Variants in RASSF7 observed in about 807,000 individuals in gnomAD.
RASSF7 encodes the protein Ras association domain family member 7.
A neutral mutation model predicts 33.8 loss-of-function variants in RASSF7; 41 were observed. That is an observed-to-expected ratio of 1.21 (90% confidence interval 0.95 to 1.57). The LOEUF is 1.57. RASSF7 is among the 40% of genes most tolerant of loss of function. The pLI is 0.00. For missense variants in RASSF7, 622 were observed against 497.0 expected (o/e 1.25, Z -2.39); for synonymous variants, 298 against 212.8 (o/e 1.40, Z -3.48).
rs961139961 is a variant in RASSF7 at position 563,926 on chromosome 11, C to T, written c.*281C>T. On this transcript the variant is annotated 3_prime_UTR_variant, in exon 6 of 6. Coordinates refer to ENST00000397583, the MANE Select transcript of RASSF7 (RefSeq NM_003475.4). ...CAAGCTGTGGGCATGTGCTTGCCTG[C>T]GGGAGAGGTCCTTCACTGTGTGTAC... is the stretch of plus-strand genomic sequence containing the variant. 19 of 543,944 alleles carry T rather than the reference C, an allele frequency of 3.5e-5. No homozygotes were observed. Among genetic ancestry groups the T allele is most frequent in the African/African-American group, 1.3e-4 (7 of 52,904 alleles). 33.7% of individuals were successfully genotyped at this position (543,944 alleles called of 1,614,324 possible). A position where few individuals can be genotyped will look rare whatever the true frequency, so the allele number is the denominator to read the frequency against.
Position 563,389 on chromosome 11 carries a change from C to A in RASSF7, c.952-7C>A. On this transcript the variant is annotated splice_polypyrimidine_tract_variant and splice_region_variant and intron_variant, in intron 4 of 5. Transcript: ENST00000397583. ...GCCCCACTCCAAGCTGACTTCCCAA[C>A]CCACAGGGCCCTCTGCCTCCAGCCA... 6.2e-7 allele frequency: 1 copy of A among 1,610,624 alleles called. No homozygotes were observed. The highest frequency in any genetic ancestry group is 1.1e-5 in the South Asian group (1 of 90,808).
chr11:561,919 C>T (rs758305676), intron 2 of RASSF7, 27 bp downstream of exon 2: 101 of 1,612,060 alleles, frequency 6.3e-5, no homozygotes, highest in Non-Finnish European at 8.0e-5. Context: ...TCAGGCAGGC[C>T]GGGCAGGTAG....
At position 561,245 on chromosome 11, in the gene RASSF7, A is replaced by G; in HGVS notation, c.-240A>G. The G allele has an allele frequency of 1.0e-6, 1 of 985,192 alleles. No individual in the cohort carries two copies. The highest frequency in any genetic ancestry group is 1.7e-5 in the African/African-American group (1 of 57,186). 61.0% of individuals were successfully genotyped at this position (985,192 alleles called of 1,614,324 possible). ...TTCGGTGCCCGCGGCGGGGACCGGG[A>G]CTTTCGGGGCGAGCGCAGCGATTAG... On this transcript the variant is annotated 5_prime_UTR_variant, in exon 1 of 6. Coordinates refer to ENST00000397583, the MANE Select transcript of RASSF7 (RefSeq NM_003475.4).
At position 563,860 on chromosome 11, in the gene RASSF7, C is replaced by T. The variant is rs1247422346; in HGVS notation, c.*215C>T. Reference sequence around the variant, plus strand: ...GGAACTTGCCAGGCCCCAAAGGCCACGACTGCCTGTTGGGGACAGGAGATG... The same window carrying T: ...GGAACTTGCCAGGCCCCAAAGGCCATGACTGCCTGTTGGGGACAGGAGATG... On this transcript the variant is annotated 3_prime_UTR_variant, in exon 6 of 6. Coordinates refer to ENST00000397583, the MANE Select transcript of RASSF7 (RefSeq NM_003475.4). 4 of 592,126 alleles carry T rather than the reference C, an allele frequency of 6.8e-6. No homozygotes were observed. Among genetic ancestry groups the T allele is most frequent in the Admixed American group, 6.1e-5 (2 of 32,624 alleles). The allele number at this position is 592,126 out of a possible 1,614,324, so 36.7% of individuals were successfully genotyped here.
In RASSF7 at chr11:563,280, C is replaced by G. The variant is rs566009663; in HGVS notation, c.914C>G (p.Pro305Arg). The G allele has an allele frequency of 6.2e-7, 1 of 1,610,934 alleles. No homozygotes were observed. The highest frequency in any genetic ancestry group is 8.5e-7 in the Non-Finnish European group (1 of 1,179,146). Residue 305 changes from proline (P) to arginine (R), a missense_variant, in exon 4 of 6, where the codon CCG becomes CGG. Physicochemically the swap from Pro to Arg is moderately radical, Grantham distance 103 (BLOSUM62 -2). Transcript: ENST00000397583. Reference sequence around the variant, plus strand: ...CAGCAGACCGGGGCTGCGCTGCCACCGCCCCCACGGCCTGACAGGGGCCCT... The same window carrying G: ...CAGCAGACCGGGGCTGCGCTGCCACGGCCCCCACGGCCTGACAGGGGCCCT... Reference protein sequence around the residue: ...FIQQTGAALPPPPRPDRGPPG... With the variant: ...FIQQTGAALPRPPRPDRGPPG...
rs767627122 is a variant in RASSF7, at chr11:562,109, G to T, written c.155G>T (p.Arg52Leu). 1.3e-6 allele frequency: 2 copies of T among 1,534,470 alleles called. No individual in the cohort carries two copies. The highest frequency in any genetic ancestry group is 4.0e-5 in the Admixed American group (2 of 49,628). ...GQTGRFVLVQ[R>L]LREKERQLLP... Reference sequence around the variant, plus strand: ...ACTGGCCGCTTTGTGCTTGTGCAGCGGCTTCGGGAGAAGGAGCGGCAGTTG... The same window carrying T: ...ACTGGCCGCTTTGTGCTTGTGCAGCTGCTTCGGGAGAAGGAGCGGCAGTTG... Residue 52 changes from arginine to leucine, a missense_variant, in exon 3 of 6, where the codon CGG becomes CTG. Arg to Leu is a moderately radical substitution (Grantham distance 102, BLOSUM62 -2). Coordinates refer to ENST00000397583, the MANE Select transcript of RASSF7 (RefSeq NM_003475.4).
chr11:562,258 C>A lies in RASSF7; in HGVS notation c.304C>A (p.Pro102Thr). ...AGRPSSDSCP[P>T]PERCLIRASL... The stretch of plus-strand genomic sequence containing the variant: ...GAGGCCCTCCTCAGACAGCTGTCCA[C>A]CCCCGGAACGCTGCCTAATTCGTGC... Residue 102 changes from proline to threonine, a missense_variant, in exon 3 of 6, where the codon CCC becomes ACC. Pro to Thr is a conservative substitution (Grantham distance 38). Transcript: ENST00000397583. 2 of 1,612,928 alleles carry A rather than the reference C, an allele frequency of 1.2e-6. No homozygotes were observed. The highest frequency in any genetic ancestry group is 1.7e-6 in the Non-Finnish European group (2 of 1,179,956).
chr11:563,032 C>G (rs893443824), intron 3 of RASSF7, among the ~76,000 whole-genome samples, 157 bp from the exon 4 acceptor site: 5 of 151,988 alleles, frequency 3.3e-5, no homozygotes, highest in Non-Finnish European at 5.9e-5. Flanking sequence ...ACTCGGGAGG[C>G]AGGTGAGCCC....
chr11:561,900 C>A lies in RASSF7; in HGVS notation c.124+8C>A. ...CACTAGCCCAAGCAATAGGTGAGTC[C>A]TCTCGGGGTCAGGCAGGCCGGGCAG... On this transcript the variant is annotated splice_region_variant and intron_variant, in intron 2 of 5. Coordinates refer to ENST00000397583, the MANE Select transcript of RASSF7 (RefSeq NM_003475.4). 1 of 1,613,194 alleles carries A rather than the reference C, an allele frequency of 6.2e-7. No homozygotes were observed.
rs756221682 is a variant in RASSF7 at position 563,577 on chromosome 11, C to T, written c.1054C>T (p.Leu352Phe). The change falls in exon 6 of 6, where the codon CTC becomes TTC. Residue 352 changes from leucine to phenylalanine, a missense_variant. Transcript: ENST00000397583. ...RPRGGPHDAELLEVAAAPAPE... is the reference protein window; with the variant it reads ...RPRGGPHDAEFLEVAAAPAPE... ...CCGCAGTGGCCCCCATGACGCAGAA[C>T]TCCTGGAGGTAGCAGCAGCTCCTGC... is the stretch of plus-strand genomic sequence containing the variant. 1.8e-5 allele frequency: 29 copies of T among 1,612,176 alleles called. No homozygotes were observed. Among genetic ancestry groups the T allele is most frequent in the Non-Finnish European group, 2.2e-5 (26 of 1,179,918 alleles).
At position 562,734 on chromosome 11, in the gene RASSF7, T is replaced by TCTGGTGAGCCGGGCC. The variant is rs1386375067; in HGVS notation, c.785_799dup (p.Val262_Leu266dup). The TCTGGTGAGCCGGGCC allele has an allele frequency of 3.9e-6, 6 of 1,533,048 alleles. No homozygotes were observed. In the Admixed American group the frequency reaches 8.1e-5, roughly 21 times the overall value. 95.0% of individuals were successfully genotyped at this position (1,533,048 alleles called of 1,614,324 possible). A position where few individuals can be genotyped will look rare whatever the true frequency, so the allele number is the denominator to read the frequency against. Reference sequence around the variant, plus strand: ...GTGCGGAGGTGCAGGGCAGCCTGGCTCTGGTGAGCCGGGCCCTGGAGGCAG... The same window carrying TCTGGTGAGCCGGGCC: ...GTGCGGAGGTGCAGGGCAGCCTGGCTCTGGTGAGCCGGGCCCTGGTGAGCCGGGCCCTGGAGGCAG... On this transcript the variant is annotated inframe_insertion, in exon 3 of 6. Transcript: ENST00000397583.
In RASSF7 at chr11:563,555, C is replaced by T. The variant is rs73399077; in HGVS notation, c.1035-3C>T. On this transcript the variant is annotated splice_polypyrimidine_tract_variant and splice_region_variant and intron_variant, in intron 5 of 5. Coordinates refer to ENST00000397583, the MANE Select transcript of RASSF7 (RefSeq NM_003475.4). ...AGCCACCTCAGCCTGTGTCCTCCCG[C>T]AGTGGCCCCCATGACGCAGAACTCC... 2.1e-5 allele frequency: 34 copies of T among 1,612,068 alleles called. No individual in the cohort carries two copies. The African/African-American group carries it at 3.9e-4, about 18-fold the overall frequency.
intron 1 of RASSF7, 57 bp from the exon 2 acceptor site, chr11:561,705 A>T: frequency 6.2e-7 from 1 of 1,605,878 alleles, no homozygotes; most frequent in Non-Finnish European, 8.5e-7. Context: ...GGAGAGGAGG[A>T]CCAGCCTGCG....
rs1239138578 is a variant in RASSF7 at position 561,152 on chromosome 11, C to G, written c.-333C>G. On this transcript the variant is annotated 5_prime_UTR_variant, in exon 1 of 6. Transcript: ENST00000397583. ...CCCGGACGGAGAGCGGGGGCGGCGC[C>G]GCACCTGCGCCCGCCCTGCGGAACG... 2 of 984,796 alleles carry G rather than the reference C, an allele frequency of 2.0e-6. No homozygotes were observed. Among genetic ancestry groups the G allele is most frequent in the South Asian group, 4.7e-5 (1 of 21,298 alleles). 61.0% of individuals were successfully genotyped at this position (984,796 alleles called of 1,614,324 possible).
At chr11:563,356 C>G in intron 4 of RASSF7, 39 bp downstream of exon 4, 1 of 1,607,518 alleles carries the variant, frequency 6.2e-7, no homozygotes, top group South Asian at 1.1e-5. Context: ...AGGTGAGGAC[C>G]TGGCCCAGCC....
intron 1 of RASSF7, 88 bp downstream of exon 1, chr11:561,565 G>T: frequency 7.1e-7 from 1 of 1,401,486 alleles, no homozygotes. Flanking sequence ...GGTGAAGTGG[G>T]GGAGGATGCG....
At position 561,437 on chromosome 11, in the gene RASSF7, C is replaced by T; in HGVS notation, c.-48C>T. On this transcript the variant is annotated 5_prime_UTR_variant, in exon 1 of 6. Coordinates refer to ENST00000397583, the MANE Select transcript of RASSF7 (RefSeq NM_003475.4). ...GCCGCGGGGCCTGGCGTGCGGGCGC[C>T]TCCGCGCCGCCCGGGGAGGGGGCAG... 2.6e-6 allele frequency: 3 copies of T among 1,166,650 alleles called. No individual in the cohort carries two copies. The highest frequency in any genetic ancestry group is 2.1e-6 in the Non-Finnish European group (2 of 939,976). 72.3% of individuals were successfully genotyped at this position (1,166,650 alleles called of 1,614,324 possible).
chr11:561,835 G>T lies in RASSF7; in HGVS notation c.67G>T (p.Gly23Trp), dbSNP rs752836536. The change falls in exon 2 of 6, where the codon GGG becomes TGG. Residue 23 changes from glycine (G) to tryptophan (W), a missense_variant. By Grantham distance (184) the Gly-to-Trp change is radical. Transcript: ENST00000397583. The part of the protein sequence containing the change: ...WVDGIQRVVC[G>W]VSEQTTCQEV... The stretch of plus-strand genomic sequence containing the variant: ...GGATGGCATCCAGCGTGTGGTCTGT[G>T]GGGTCTCAGAGCAGACCACCTGCCA... 4.3e-6 allele frequency: 7 copies of T among 1,613,484 alleles called. No individual in the cohort carries two copies. Among genetic ancestry groups the T allele is most frequent in the Non-Finnish European group, 5.1e-6 (6 of 1,180,002 alleles).
rs58334317 is a variant in RASSF7 at position 561,970 on chromosome 11, C to G, written c.124+78C>G. The G allele has an allele frequency of 2.5e-6, 4 of 1,585,984 alleles. No individual in the cohort carries two copies. In the Admixed American group the frequency reaches 5.3e-5, roughly 21 times the overall value. On this transcript the variant is annotated intron_variant, in intron 2 of 5. Coordinates refer to ENST00000397583, the MANE Select transcript of RASSF7 (RefSeq NM_003475.4). The stretch of plus-strand genomic sequence containing the variant: ...TGGTGGTCCAGCTCCATGGTCTCCC[C>G]CAAGGAGAGTGGGGCTGGTTGCTGA...
Sources: gnomAD v4.1 joint callset for allele counts (sites outside exome capture counted in the v4.1 genomes callset) on GRCh38, gnomAD v4.1.1 for gene constraint, MANE v1.5 for transcripts, NCBI Gene and HGNC (gene_info 2026-07-23, HGNC 2026-07-21) for gene names.